The following INSIG2 variants were observed in gnomAD, a reference collection of about 807,000 sequenced individuals.
INSIG2 encodes insulin induced gene 2, also known as insulin-induced gene 2 protein.
INSIG2 carries 10 observed loss-of-function variants against 27.2 expected under a neutral mutation model. The ratio of observed to expected loss-of-function variants is 0.37; its 90% CI spans 0.23 to 0.62. INSIG2 has a LOEUF of 0.62. INSIG2 is among the 20% of genes least tolerant of loss of function. INSIG2 has a pLI of 0.65. For synonymous variants in INSIG2, 97 were observed against 95.8 expected (o/e 1.01, Z -0.07); for missense variants, 178 against 270.2 (o/e 0.66, Z 2.39).
At chr2:118,093,862 A>G (rs1678331500) in intron 1 of INSIG2, among the ~76,000 whole-genome samples, 1 of 87,600 alleles carries the variant, frequency 1.1e-5, no homozygotes, top group Non-Finnish European at 2.5e-5. Flanking sequence ...GATGATGATG[A>G]TGAGGAGGAG....
Position 118,108,424 on chromosome 2 carries a change from GT to G in INSIG2, c.*106del. On this transcript the variant is annotated 3_prime_UTR_variant, in exon 6 of 6. Coordinates refer to ENST00000245787, the MANE Select transcript of INSIG2 (RefSeq NM_016133.4). ...CAGACTGTAAAATTGCCAGGATGCA[GT>G]TTTCCCCTTGATTGGCGTGTGTGTA... 2.4e-6 allele frequency: 2 copies of G among 827,964 alleles called. No individual in the cohort carries two copies. Among genetic ancestry groups the G allele is most frequent in the Non-Finnish European group, 4.0e-6 (2 of 497,138 alleles). 51.3% of individuals were successfully genotyped at this position (827,964 alleles called of 1,614,324 possible).
chr2:118,108,329 C>CA lies in INSIG2; in HGVS notation c.*13dup. The CA allele has an allele frequency of 1.3e-6, 2 of 1,585,436 alleles. No individual in the cohort carries two copies. The highest frequency in any genetic ancestry group is 1.7e-6 in the Non-Finnish European group (2 of 1,162,338). On this transcript the variant is annotated 3_prime_UTR_variant, in exon 6 of 6. Coordinates refer to ENST00000245787, the MANE Select transcript of INSIG2 (RefSeq NM_016133.4). ...AAAATCTCATCAGGAATGAAGAAGG[C>CA]AAAAAATATCTTTTGTACAGAAAAG...
At chr2:118,106,295 G>C (rs1206563013) in intron 3 of INSIG2, among the ~76,000 whole-genome samples, 1 of 152,194 alleles carries the variant, frequency 6.6e-6, no homozygotes, top group African/African-American at 2.4e-5. Context: ...TCAAGTTCCT[G>C]TACGATTCTC....
At chr2:118,093,209 AGATGATGATGAT>A (rs72489038) in intron 1 of INSIG2, among the ~76,000 whole-genome samples, 959 of 8,112 alleles carry the variant, frequency 0.12, 5 homozygotes, top group Non-Finnish European at 0.14. Context: ...AAAAGCAACC[AGATGATGATGAT>A]GATGATGATG....
rs866919935 is a variant in INSIG2 at position 118,088,502 on chromosome 2, G to A, written c.-178G>A. On this transcript the variant is annotated 5_prime_UTR_variant, in exon 1 of 6. Coordinates refer to ENST00000245787, the MANE Select transcript of INSIG2 (RefSeq NM_016133.4). ...GGAGTGGAGGAGGAAGAGGCGGTAG[G>A]GGGTACGGGGGCTGGTCCCAGAAGA... 3.3e-5 allele frequency: 5 copies of A among 152,774 alleles called. No individual in the cohort carries two copies. The highest frequency in any genetic ancestry group is 9.6e-5 in the African/African-American group (4 of 41,490). The allele number at this position is 152,774 out of a possible 1,614,324, so 9.5% of individuals were successfully genotyped here. A position where few individuals can be genotyped will look rare whatever the true frequency, so the allele number is the denominator to read the frequency against.
intron 1 of INSIG2, among the ~76,000 whole-genome samples, chr2:118,091,388 C>G (rs527912706): frequency 4.2e-4 from 64 of 152,296 alleles, no homozygotes; most frequent in East Asian, 1.7e-3. Flanking sequence ...CTGTCTTAAT[C>G]TTGTTAATCC....
intron 5 of INSIG2, 75 bp downstream of exon 5, chr2:118,107,264 G>A (rs1678697013): frequency 3.2e-6 from 3 of 949,704 alleles, no homozygotes; most frequent in Admixed American, 2.1e-5. Context: ...GTCCTTTAAG[G>A]GAAAGCAATT....
At chr2:118,088,870 GAGGTC>G (rs1343527258) in intron 1 of INSIG2, among the ~76,000 whole-genome samples, 1 of 152,182 alleles carries the variant, frequency 6.6e-6, no homozygotes, top group Non-Finnish European at 1.5e-5. Context: ...TGATGAGGTG[GAGGTC>G]AGCGAGCTGT....
At chr2:118,099,673 G>A (rs984463663) in intron 2 of INSIG2, among the ~76,000 whole-genome samples, 13 of 152,274 alleles carry the variant, frequency 8.5e-5, no homozygotes, top group South Asian at 2.1e-4. Flanking sequence ...GTGTCCAAAC[G>A]TATGAAAATA....
At chr2:118,107,064 T>C in intron 4 of INSIG2, 26 bp from the exon 5 acceptor site, 1 of 1,510,006 alleles carries the variant, frequency 6.6e-7, no homozygotes, top group Non-Finnish European at 9.2e-7. Context: ...CCTCTGTGGG[T>C]ATTAAAGACA....
intron 1 of INSIG2, among the ~76,000 whole-genome samples, chr2:118,094,884 T>C (rs548143693): frequency 6.6e-6 from 1 of 152,362 alleles, no homozygotes; most frequent in South Asian, 2.1e-4. Flanking sequence ...AGAGGAAATG[T>C]ATAAATTTTA....
In INSIG2 at chr2:118,108,298, C is replaced by T. The variant is rs370848570; in HGVS notation, c.654C>T (p.Ile218=). 89 of 1,592,374 alleles carry T rather than the reference C, an allele frequency of 5.6e-5. 1 individual carries two copies. The highest frequency in any genetic ancestry group is 2.9e-4 in the Admixed American group (16 of 55,830). Residue 218 remains isoleucine, a synonymous_variant, in exon 6 of 6, where the codon ATC becomes ATT. Transcript: ENST00000245787. Reference sequence around the variant, plus strand: ...TTTTGCAGTACGAATGTAAAGTTATCGCAGAAAAATCTCATCAGGAATGAA... The same window carrying T: ...TTTTGCAGTACGAATGTAAAGTTATTGCAGAAAAATCTCATCAGGAATGAA... ...RQLAMYECKV[I]AEKSHQE
chr2:118,097,184 C>A (rs539537654), intron 2 of INSIG2, among the ~76,000 whole-genome samples: 2 of 152,304 alleles, frequency 1.3e-5, no homozygotes, highest in Non-Finnish European at 2.9e-5. Flanking sequence ...TCTATCTGTC[C>A]TGTAAACTTT....
intron 2 of INSIG2, among the ~76,000 whole-genome samples, chr2:118,100,373 C>CTTTTTTTTTT (rs70949913): frequency 3.7e-5 from 3 of 81,498 alleles, no homozygotes; most frequent in African/African-American, 1.0e-4. Flanking sequence ...ACTCTTTTGC[C>CTTTTTTTTTT]TTTTTTTTTT....
At chr2:118,103,403 A>C in intron 3 of INSIG2, 82 bp downstream of exon 3, 2 of 1,237,164 alleles carry the variant, frequency 1.6e-6, no homozygotes, top group Non-Finnish European at 2.3e-6. Context: ...TTACAACTTC[A>C]CTGTTGTCAA....
chr2:118,102,108 T>A (rs2104534378), intron 2 of INSIG2, among the ~76,000 whole-genome samples: 1 of 152,372 alleles, frequency 6.6e-6, no homozygotes, highest in East Asian at 1.9e-4. Flanking sequence ...TTTGGCGTTG[T>A]AATTTCATGA....
At chr2:118,095,975 CA>C (rs1678395733) in intron 1 of INSIG2, among the ~76,000 whole-genome samples, 1 of 152,164 alleles carries the variant, frequency 6.6e-6, no homozygotes, top group African/African-American at 2.4e-5. Flanking sequence ...GCAAAATATA[CA>C]GCGTCTTCAG....
chr2:118,100,621 G>A (rs768764908), intron 2 of INSIG2, among the ~76,000 whole-genome samples: 28 of 151,828 alleles, frequency 1.8e-4, no homozygotes, highest in African/African-American at 5.6e-4. Context: ...CTCGCGATTC[G>A]CCTGCCTCGG....
intron 2 of INSIG2, among the ~76,000 whole-genome samples, chr2:118,099,305 G>A (rs754444570): frequency 1.7e-4 from 26 of 152,198 alleles, no homozygotes; most frequent in Non-Finnish European, 3.4e-4. Flanking sequence ...ACCTTTTGGA[G>A]GGGCTCCAGA....
Sources: allele counts gnomAD v4.1 joint callset (sites outside exome capture counted in the v4.1 genomes callset), GRCh38; gene constraint gnomAD v4.1.1; transcripts MANE v1.5; gene names NCBI Gene and HGNC (gene_info 2026-07-23, HGNC 2026-07-21).